Variants in ALPL observed in about 807,000 individuals in gnomAD.
The protein encoded by ALPL is alkaline phosphatase, biomineralization associated.
ALPL carries 42 observed loss-of-function variants against 51.3 expected under a neutral mutation model. The ratio of observed to expected loss-of-function variants is 0.82; its 90% CI spans 0.64 to 1.06. The LOEUF is 1.06. ALPL is among the 50% of genes least tolerant of loss of function. The probability of loss-of-function intolerance (pLI) is 0.00; values close to 1 mark genes in which losing one functional copy is unlikely to be tolerated. For missense variants in ALPL, 589 were observed against 709.4 expected (o/e 0.83, Z 1.93); for synonymous variants, 279 against 296.4 (o/e 0.94, Z 0.60).
intron 1 of ALPL, among the ~76,000 whole-genome samples, chr1:21,531,356 G>T (rs974297972): frequency 6.6e-6 from 1 of 152,228 alleles, no homozygotes; most frequent in Non-Finnish European, 1.5e-5. Context: ...GGCTCCCAAA[G>T]TGCTGGAATT....
Position 21,554,325 on chromosome 1 carries a change from C to CATATATAT in ALPL, c.61+191_61+198dup, listed in dbSNP as rs61491376. On this transcript the variant is annotated intron_variant, in intron 2 of 11. Transcript: ENST00000374840. ...TTAGTTGGATAGGTCACTCTTTTCC[C>CATATATAT]ATATATATATATATACACACATACA... is the stretch of plus-strand genomic sequence containing the variant. 0.011 allele frequency among the ~76,000 whole-genome samples: 1,569 copies of CATATATAT among 146,280 alleles called. 32 individuals are homozygous for CATATATAT. Among genetic ancestry groups the CATATATAT allele is most frequent in the African/African-American group, 0.037 (1,468 of 39,672 alleles).
intron 1 of ALPL, among the ~76,000 whole-genome samples, chr1:21,541,254 C>T (rs763146221): frequency 4.6e-5 from 7 of 152,232 alleles, no homozygotes; most frequent in Non-Finnish European, 1.0e-4. Flanking sequence ...GACTGACATT[C>T]ACTCAGCACC....
intron 1 of ALPL, among the ~76,000 whole-genome samples, chr1:21,524,562 G>T (rs920122805): frequency 1.3e-5 from 2 of 152,112 alleles, no homozygotes; most frequent in Non-Finnish European, 2.9e-5. Flanking sequence ...ATCACCCAAG[G>T]TCCTATAGCT....
chr1:21,544,888 C>G (rs569747577), intron 1 of ALPL, among the ~76,000 whole-genome samples: 1 of 152,110 alleles, frequency 6.6e-6, no homozygotes, highest in South Asian at 2.1e-4. Context: ...CACATAAATG[C>G]TAAAACCAGG....
chr1:21,577,357 C>T, intron 11 of ALPL, 26 bp from the exon 12 acceptor site: 2 of 1,613,132 alleles, frequency 1.2e-6, no homozygotes, highest in Non-Finnish European at 1.7e-6. Flanking sequence ...GGCAGGCTCT[C>T]AGCAGGTGTT....
At position 21,554,153 on chromosome 1, in the gene ALPL, G is replaced by A. The variant is rs1395849477; in HGVS notation, c.61+11G>A. On this transcript the variant is annotated intron_variant, in intron 2 of 11. Coordinates refer to ENST00000374840, the MANE Select transcript of ALPL (RefSeq NM_000478.6). ...ACTCCTTAGTGCCAGGTATGCTTGG[G>A]GACACAGGTGGAGGCATAAAAAGGT... 5 of 1,613,168 alleles carry A rather than the reference G, an allele frequency of 3.1e-6. No individual in the cohort carries two copies. Among genetic ancestry groups the A allele is most frequent in the Non-Finnish European group, 4.2e-6 (5 of 1,179,594 alleles).
intron 6 of ALPL, among the ~76,000 whole-genome samples, chr1:21,565,685 G>A (rs1417177514): frequency 6.6e-6 from 1 of 151,962 alleles, no homozygotes; most frequent in African/African-American, 2.4e-5. Flanking sequence ...GGACCTGTGT[G>A]AGGATCCCTT....
chr1:21,519,966 A>G (rs1460547881), intron 1 of ALPL, among the ~76,000 whole-genome samples: 1 of 152,110 alleles, frequency 6.6e-6, no homozygotes, highest in Non-Finnish European at 1.5e-5. Flanking sequence ...GGAACGCAGG[A>G]GTGGTGGCTC....
intron 6 of ALPL, among the ~76,000 whole-genome samples, chr1:21,566,586 C>T (rs560618009): frequency 1.2e-4 from 18 of 149,020 alleles, no homozygotes; most frequent in African/African-American, 3.2e-4. Flanking sequence ...CCATCGCGCC[C>T]GGCCTATTTT....
intron 8 of ALPL, among the ~76,000 whole-genome samples, chr1:21,570,949 G>A (rs1303710959): frequency 1.3e-5 from 2 of 152,206 alleles, no homozygotes; most frequent in East Asian, 1.9e-4. Flanking sequence ...AAAATCTCCT[G>A]CAGACATTTC....
At chr1:21,527,779 A>G (rs747632516) in intron 1 of ALPL, among the ~76,000 whole-genome samples, 1 of 151,754 alleles carries the variant, frequency 6.6e-6, no homozygotes, top group Non-Finnish European at 1.5e-5. Context: ...CAAACTCCCA[A>G]CCTGAAGTGA....
At chr1:21,525,094 T>C (rs1643924760) in intron 1 of ALPL, among the ~76,000 whole-genome samples, 2 of 152,212 alleles carry the variant, frequency 1.3e-5, no homozygotes, top group South Asian at 4.1e-4. Flanking sequence ...GAGAACTTTG[T>C]TCTGAAATTT....
chr1:21,556,006 C>T (rs1481384645), intron 2 of ALPL, among the ~76,000 whole-genome samples: 2 of 152,120 alleles, frequency 1.3e-5, no homozygotes, highest in Non-Finnish European at 2.9e-5. Flanking sequence ...CTCCTGACCT[C>T]AGGTGATCCG....
At chr1:21,570,526 G>T (rs1013601757) in intron 8 of ALPL, 152 bp downstream of exon 8, 6 of 760,120 alleles carry the variant, frequency 7.9e-6, no homozygotes, top group Admixed American at 7.1e-5. Flanking sequence ...CAAGGAAGGG[G>T]GTTCTGGTTC....
Position 21,577,770 on chromosome 1 carries a change from C to A in ALPL, c.*122C>A, listed in dbSNP as rs1644762909. On this transcript the variant is annotated 3_prime_UTR_variant, in exon 12 of 12. Transcript: ENST00000374840. ...GCCTCTGCAACTGCAAGAAAGGGGA[C>A]CCAAGAAACCAAAGTCTGCCGCCCA... The A allele has an allele frequency of 8.7e-7, 1 of 1,144,900 alleles. No individual in the cohort carries two copies. Among genetic ancestry groups the A allele is most frequent in the Non-Finnish European group, 1.2e-6 (1 of 823,978 alleles). 70.9% of individuals were successfully genotyped at this position (1,144,900 alleles called of 1,614,324 possible). A position where few individuals can be genotyped will look rare whatever the true frequency, so the allele number is the denominator to read the frequency against.
intron 8 of ALPL, among the ~76,000 whole-genome samples, chr1:21,571,400 C>T (rs4654969): frequency 0.17 from 26,498 of 151,948 alleles, 2,796 homozygotes; most frequent in East Asian, 0.45. Context: ...AGGCCGGGTG[C>T]AGTGGCTCAT....
At chr1:21,554,221 G>A in intron 2 of ALPL, 79 bp downstream of exon 2, 1 of 1,420,610 alleles carries the variant, frequency 7.0e-7, no homozygotes, top group South Asian at 1.1e-5. Context: ...ATGTTTTAAG[G>A]TCCCAGAACC....
chr1:21,559,799 C>T (rs777151411), intron 2 of ALPL, among the ~76,000 whole-genome samples: 1 of 152,164 alleles, frequency 6.6e-6, no homozygotes, highest in Non-Finnish European at 1.5e-5. Flanking sequence ...GGATTACAGG[C>T]ATGAGCCACC....
chr1:21,567,629 G>T (rs886741546), intron 6 of ALPL, among the ~76,000 whole-genome samples: 7 of 152,356 alleles, frequency 4.6e-5, no homozygotes, highest in Admixed American at 1.3e-4. Flanking sequence ...AAAGCCCTGG[G>T]TTTGAATCCT....
Sources: gnomAD v4.1 joint callset for allele counts (sites outside exome capture counted in the v4.1 genomes callset) on GRCh38, gnomAD v4.1.1 for gene constraint, MANE v1.5 for transcripts, NCBI Gene and HGNC (gene_info 2026-07-23, HGNC 2026-07-21) for gene names.